Variants in KDM1A observed in about 807,000 individuals in gnomAD.
KDM1A encodes the protein lysine-specific histone demethylase 1A.
A neutral mutation model predicts 109.4 loss-of-function variants in KDM1A; 49 were observed. The observed-to-expected ratio is 0.45, with a 90% CI of 0.36 to 0.57. The LOEUF (loss-of-function observed/expected upper bound fraction) is 0.57. Ranked by LOEUF, KDM1A falls within the 20% of genes least tolerant of loss-of-function variation. KDM1A has a pLI of 0.00. For synonymous variants in KDM1A, 380 were observed against 415.4 expected, an observed-to-expected ratio of 0.91 and a Z score of 1.04; for missense variants, 668 against 1,116.6, an observed-to-expected ratio of 0.60 and a Z score of 5.73.
At chr1:23,036,684 A>T (rs1642156325) in intron 2 of KDM1A, among the ~76,000 whole-genome samples, 1 of 152,164 alleles carries the variant, frequency 6.6e-6, no homozygotes, top group Non-Finnish European at 1.5e-5. Flanking sequence ...GCCTAGTATG[A>T]GACACAAGTG....
In KDM1A at chr1:23,079,449, T is replaced by TG; in HGVS notation, c.2056-101dup. 1 of 870,936 alleles carries TG rather than the reference T, an allele frequency of 1.1e-6. No homozygotes were observed. The highest frequency in any genetic ancestry group is 1.8e-6 in the Non-Finnish European group (1 of 549,210). The allele number at this position is 870,936 out of a possible 1,614,324, so 54.0% of individuals were successfully genotyped here. On this transcript the variant is annotated intron_variant, in intron 17 of 20. Coordinates refer to ENST00000400181, the MANE Select transcript of KDM1A (RefSeq NM_001009999.3). The surrounding 1 kb of genome is among the most constrained non-coding windows in gnomAD (Gnocchi z 5.6). ...TGTCATCCTAAATAATAAGGATTGC[T>TG]GGGCTTATTTTGAAAGCAGATTAGA... is the stretch of plus-strand genomic sequence containing the variant.
chr1:23,040,172 T>C (rs1300876382), intron 2 of KDM1A, among the ~76,000 whole-genome samples: 1 of 152,222 alleles, frequency 6.6e-6, no homozygotes, highest in East Asian at 1.9e-4. Context: ...GTAATTTGAA[T>C]GTGATTCCAA....
intron 3 of KDM1A, 25 bp from the exon 4 acceptor site, chr1:23,050,362 A>G (rs1642630383): frequency 2.5e-6 from 4 of 1,588,834 alleles, no homozygotes; most frequent in Non-Finnish European, 3.4e-6. Flanking sequence ...CACTTTTCCT[A>G]GATGTCCTTT....
At chr1:23,080,640 G>C (rs375172830) in intron 18 of KDM1A, among the ~76,000 whole-genome samples, 3 of 152,146 alleles carry the variant, frequency 2.0e-5, no homozygotes, top group Non-Finnish European at 2.9e-5. Flanking sequence ...CATCCTGGAA[G>C]GCACCATGCT....
chr1:23,067,174 AG>A (rs1340962697), intron 10 of KDM1A, among the ~76,000 whole-genome samples: 2 of 152,236 alleles, frequency 1.3e-5, no homozygotes, highest in Admixed American at 6.5e-5. Flanking sequence ...CTTTAGGCTA[AG>A]GGTAATTCTT....
In KDM1A at chr1:23,083,271, G is replaced by C. The variant is rs148163048; in HGVS notation, c.2538G>C (p.Ala846=). ...CTCTGCTGAGTGGGCTGCGAGAAGC[G>C]GGAAGAATTGCAGACCAGTTTTTGG... The part of the protein sequence containing the change: ...HGALLSGLRE[A]GRIADQFLGA... The change falls in exon 21 of 21, where the codon GCG becomes GCC. Residue 846 remains alanine (A), a synonymous_variant. Coordinates refer to ENST00000400181, the MANE Select transcript of KDM1A (RefSeq NM_001009999.3). 1.2e-6 allele frequency: 2 copies of C among 1,613,914 alleles called. No homozygotes were observed.
intron 2 of KDM1A, among the ~76,000 whole-genome samples, chr1:23,033,227 T>G (rs1642042355): frequency 6.6e-6 from 1 of 152,186 alleles, no homozygotes; most frequent in African/African-American, 2.4e-5. Context: ...CACTAGAAAT[T>G]ATTCTGTCAA....
chr1:23,035,134 C>T (rs1642104339), intron 2 of KDM1A, among the ~76,000 whole-genome samples: 1 of 152,116 alleles, frequency 6.6e-6, no homozygotes, highest in Non-Finnish European at 1.5e-5. Context: ...AGGAAGCCCT[C>T]TTCTCTATTA....
chr1:23,066,125 T>C, intron 10 of KDM1A, 54 bp downstream of exon 10: 1 of 1,236,034 alleles, frequency 8.1e-7, no homozygotes, highest in Non-Finnish European at 1.2e-6. Flanking sequence ...CAATAACCCA[T>C]TAAAAGCTTG....
chr1:23,034,588 C>A (rs1013352491), intron 2 of KDM1A, among the ~76,000 whole-genome samples: 2 of 152,152 alleles, frequency 1.3e-5, no homozygotes, highest in Non-Finnish European at 2.9e-5. Flanking sequence ...TTCTCCAACA[C>A]TTACTTGGCT....
chr1:23,056,050 A>G lies in KDM1A; in HGVS notation c.990+12A>G. On this transcript the variant is annotated intron_variant, in intron 7 of 20. Transcript: ENST00000400181. ...TTTTGGAAGCCAGGGTAAGAATTTC[A>G]TTTTGAGTTTAGAGGCTTGACCTAT... is the stretch of plus-strand genomic sequence containing the variant. 3.8e-6 allele frequency: 6 copies of G among 1,574,664 alleles called. No homozygotes were observed. The highest frequency in any genetic ancestry group is 5.2e-6 in the Non-Finnish European group (6 of 1,144,590).
intron 1 of KDM1A, 177 bp downstream of exon 1, chr1:23,020,124 C>T (rs1367589228): frequency 6.0e-6 from 4 of 663,136 alleles, no homozygotes; most frequent in South Asian, 3.7e-5. Flanking sequence ...AAGGAAAAGT[C>T]TTTGCCGGTG....
At chr1:23,068,389 C>CATA (rs565512257) in intron 10 of KDM1A, 150 bp from the exon 11 acceptor site, 2 of 592,908 alleles carry the variant, frequency 3.4e-6, no homozygotes, top group Non-Finnish European at 5.5e-6. Context: ...CTGACCACTT[C>CATA]ATAGAAAAGA....
intron 2 of KDM1A, among the ~76,000 whole-genome samples, chr1:23,041,435 C>CTTTTTTTTTTTTTTTTTT (rs66720696): frequency 3.8e-5 from 2 of 53,006 alleles, no homozygotes; most frequent in Non-Finnish European, 6.4e-5. Flanking sequence ...TCTTTTCTTG[C>CTTTTTTTTTTTTTTTTTT]TTTTTTTTTT....
rs1401016218 is a variant in KDM1A at position 23,055,997 on chromosome 1, T to C, written c.949T>C (p.Leu317=). The stretch of plus-strand genomic sequence containing the variant: ...CTCAGGCTTGGCAGCAGCTCGACAG[T>C]TACAAAGTTTTGGAATGGATGTCAC... ...GVSGLAAARQ[L]QSFGMDVTLL... The change falls in exon 7 of 21, where the codon TTA becomes CTA. Residue 317 remains leucine (L), a synonymous_variant. Coordinates refer to ENST00000400181, the MANE Select transcript of KDM1A (RefSeq NM_001009999.3). The C allele has an allele frequency of 1.2e-6, 2 of 1,613,040 alleles. No homozygotes were observed. Among genetic ancestry groups the C allele is most frequent in the African/African-American group, 2.7e-5 (2 of 74,856 alleles).
chr1:23,030,239 T>C (rs1641942528), intron 1 of KDM1A, among the ~76,000 whole-genome samples: 1 of 152,208 alleles, frequency 6.6e-6, no homozygotes, highest in Non-Finnish European at 1.5e-5. Flanking sequence ...TGAATGTCAG[T>C]GCTATGATGT....
At chr1:23,042,665 G>A (rs1382998428) in intron 2 of KDM1A, among the ~76,000 whole-genome samples, 1 of 150,900 alleles carries the variant, frequency 6.6e-6, no homozygotes, top group African/African-American at 2.4e-5. Flanking sequence ...TTTTAGCCGG[G>A]ATGGTCTCGA....
At chr1:23,072,279 T>G (rs1643342895) in intron 14 of KDM1A, 82 bp downstream of exon 14, 2 of 967,504 alleles carry the variant, frequency 2.1e-6, no homozygotes, top group African/African-American at 3.3e-5. Flanking sequence ...TTCTAAATCA[T>G]AATGAGCTTT....
Position 23,079,262 on chromosome 1 carries a change from C to A in KDM1A, c.2055+85C>A. Reference sequence around the variant, plus strand: ...TTTACTTGGTGAGGAGGTGGCCTTGCATTTTTGGGCATTTGGCTATGCTCC... The same window carrying A: ...TTTACTTGGTGAGGAGGTGGCCTTGAATTTTTGGGCATTTGGCTATGCTCC... On this transcript the variant is annotated intron_variant, in intron 17 of 20. Coordinates refer to ENST00000400181, the MANE Select transcript of KDM1A (RefSeq NM_001009999.3). The surrounding 1 kb of genome is among the most constrained non-coding windows in gnomAD (Gnocchi z 5.6). The A allele has an allele frequency of 7.3e-7, 1 of 1,372,944 alleles. No homozygotes were observed. Among genetic ancestry groups the A allele is most frequent in the Non-Finnish European group, 1.0e-6 (1 of 998,464 alleles). 85.0% of individuals were successfully genotyped at this position (1,372,944 alleles called of 1,614,324 possible).
Sources: allele counts gnomAD v4.1 joint callset (sites outside exome capture counted in the v4.1 genomes callset), GRCh38; gene constraint gnomAD v4.1.1; non-coding constraint Gnocchi (gnomAD v3.1); transcripts MANE v1.5; gene names NCBI Gene and HGNC (gene_info 2026-07-23, HGNC 2026-07-21).